The following CNTN4 variants were observed in gnomAD, a reference collection of about 807,000 sequenced individuals.
The protein encoded by CNTN4 is contactin 4.
In CNTN4, 77 loss-of-function variants were observed where a neutral mutation model predicts 122.5. The ratio of observed to expected loss-of-function variants is 0.63; its 90% confidence interval spans 0.52 to 0.76. The LOEUF (loss-of-function observed/expected upper bound fraction) is 0.76. Ranked by LOEUF, CNTN4 falls within the 30% of genes least tolerant of loss-of-function variation. CNTN4 has a pLI of 0.00. For missense variants in CNTN4, 1,256 were observed against 1,259.1 expected, an observed-to-expected ratio of 1.00 and a Z score of 0.04; for synonymous variants, 512 against 447.0, an observed-to-expected ratio of 1.15 and a Z score of -1.83.
intron 3 of CNTN4, among the ~76,000 whole-genome samples, chr3:2,415,629 C>A (rs139448795): frequency 6.6e-6 from 1 of 152,008 alleles, no homozygotes; most frequent in Admixed American, 6.5e-5. Context: ...TCTGTGGGAC[C>A]CAGTGTTTGG....
intron 13 of CNTN4, among the ~76,000 whole-genome samples, chr3:2,942,751 T>A (rs187765406): frequency 6.6e-6 from 1 of 152,264 alleles, no homozygotes; most frequent in African/African-American, 2.4e-5. Context: ...AGAAGTACAA[T>A]TTAAACATTT....
intron 3 of CNTN4, among the ~76,000 whole-genome samples, chr3:2,510,004 A>G (rs371307382): frequency 6.6e-6 from 1 of 152,128 alleles, no homozygotes; most frequent in South Asian, 2.1e-4. Context: ...ACTAAATAAG[A>G]CCATTTCCTG....
chr3:2,988,672 T>A (rs1694802393), intron 14 of CNTN4, 200 bp downstream of exon 14: 1 of 603,088 alleles, frequency 1.7e-6, no homozygotes. Context: ...GCTATCTTAT[T>A]TCAGAATCAT....
At chr3:2,688,602 T>C (rs948890757) in intron 4 of CNTN4, among the ~76,000 whole-genome samples, 6 of 152,216 alleles carry the variant, frequency 3.9e-5, no homozygotes, top group Non-Finnish European at 7.3e-5. Context: ...CCCACACTTA[T>C]TAACACAGCA....
chr3:2,822,828 C>A (rs572902264), intron 7 of CNTN4, among the ~76,000 whole-genome samples: 1 of 152,242 alleles, frequency 6.6e-6, no homozygotes, highest in African/African-American at 2.4e-5. Context: ...CAGCAGTCAG[C>A]AGCTCTGAAA....
At chr3:2,827,731 T>C (rs1346894589) in intron 7 of CNTN4, among the ~76,000 whole-genome samples, 1 of 152,240 alleles carries the variant, frequency 6.6e-6, no homozygotes, top group East Asian at 1.9e-4. Context: ...TGTGTGATTC[T>C]TTATATTTGC....
At chr3:2,750,115 C>T (rs1045713028) in intron 6 of CNTN4, among the ~76,000 whole-genome samples, 21 of 152,220 alleles carry the variant, frequency 1.4e-4, no homozygotes, top group Admixed American at 8.5e-4. Context: ...ATTAGAGTAA[C>T]GGAATTACTC....
At chr3:2,549,717 A>T (rs2078402346) in intron 3 of CNTN4, among the ~76,000 whole-genome samples, 1 of 152,178 alleles carries the variant, frequency 6.6e-6, no homozygotes, top group African/African-American at 2.4e-5. Flanking sequence ...GCCTCATAAA[A>T]TGAGTTAGGG....
intron 6 of CNTN4, among the ~76,000 whole-genome samples, chr3:2,776,449 A>G (rs2091321564): frequency 6.6e-6 from 1 of 152,046 alleles, no homozygotes; most frequent in Admixed American, 6.6e-5. Context: ...AGGAATAAGG[A>G]AATAAGGTAG....
chr3:2,190,360 A>G (rs550705547), intron 2 of CNTN4, among the ~76,000 whole-genome samples: 1 of 152,038 alleles, frequency 6.6e-6, no homozygotes, highest in Non-Finnish European at 1.5e-5. Context: ...ATGATAAAAA[A>G]AGAATTTTTC....
chr3:2,381,909 G>C (rs1250208404), intron 3 of CNTN4, among the ~76,000 whole-genome samples: 3 of 152,038 alleles, frequency 2.0e-5, no homozygotes, highest in African/African-American at 7.2e-5. Flanking sequence ...AATTGTCTCT[G>C]TAGAGCTGTG....
intron 2 of CNTN4, among the ~76,000 whole-genome samples, chr3:2,221,515 A>G (rs533401579): frequency 6.6e-6 from 1 of 152,132 alleles, no homozygotes; most frequent in East Asian, 1.9e-4. Context: ...AGACAAAAAA[A>G]AAAAGACAAG....
chr3:2,879,554 C>T (rs1286832865), intron 8 of CNTN4, among the ~76,000 whole-genome samples: 1 of 152,154 alleles, frequency 6.6e-6, no homozygotes, highest in Non-Finnish European at 1.5e-5. Context: ...ATCGATCAAT[C>T]TCGAAAACGC....
At chr3:2,972,904 GAGCTTC>G (rs1295400128) in intron 13 of CNTN4, among the ~76,000 whole-genome samples, 1 of 151,648 alleles carries the variant, frequency 6.6e-6, no homozygotes, top group Non-Finnish European at 1.5e-5. Context: ...TTAATAGTAA[GAGCTTC>G]CTGCTCCTTT....
At chr3:2,761,389 A>G (rs770568693) in intron 6 of CNTN4, among the ~76,000 whole-genome samples, 2 of 151,838 alleles carry the variant, frequency 1.3e-5, no homozygotes, top group African/African-American at 4.8e-5. Flanking sequence ...TTTAAGTTAC[A>G]TAGTATCCTT....
chr3:2,290,529 A>T (rs1475899355), intron 2 of CNTN4, among the ~76,000 whole-genome samples: 3 of 152,204 alleles, frequency 2.0e-5, no homozygotes, highest in Non-Finnish European at 4.4e-5. Flanking sequence ...AGAGAGAAAG[A>T]CGATACGTGA....
At chr3:2,952,911 C>G (rs1205678166) in intron 13 of CNTN4, among the ~76,000 whole-genome samples, 1 of 152,158 alleles carries the variant, frequency 6.6e-6, no homozygotes, top group Non-Finnish European at 1.5e-5. Flanking sequence ...CTAATATGTG[C>G]TAGGTATTTT....
At chr3:2,284,874 TA>T (rs569623899) in intron 2 of CNTN4, among the ~76,000 whole-genome samples, 443 of 152,026 alleles carry the variant, frequency 2.9e-3, no homozygotes, top group African/African-American at 0.01. Context: ...AGGACATTAT[TA>T]ATAGTAAAGT....
intron 4 of CNTN4, among the ~76,000 whole-genome samples, chr3:2,619,356 T>C (rs2081906742): frequency 6.6e-6 from 1 of 152,214 alleles, no homozygotes; most frequent in South Asian, 2.1e-4. Context: ...GCAATAGACA[T>C]TGACTGAAAG....
Sources: allele counts gnomAD v4.1 joint callset (sites outside exome capture counted in the v4.1 genomes callset), GRCh38; gene constraint gnomAD v4.1.1; transcripts MANE v1.5; gene names NCBI Gene and HGNC (gene_info 2026-07-23, HGNC 2026-07-21).